TSBP1: variants seen among roughly 807,000 people sequenced by gnomAD.
The protein encoded by TSBP1 is testis expressed basic protein 1.
In TSBP1, 56 loss-of-function variants were observed where a neutral mutation model predicts 68.8. That is an observed-to-expected ratio of 0.81 (90% CI 0.66 to 1.02). The LOEUF is 1.02. TSBP1 is among the 50% of genes least tolerant of loss of function. The pLI is 0.00. For missense variants in TSBP1, 502 were observed against 641.2 expected, an observed-to-expected ratio of 0.78 and a Z score of 2.34; for synonymous variants, 171 against 208.7, an observed-to-expected ratio of 0.82 and a Z score of 1.56.
chr6:32,334,113 T>C (rs7775149), intron 14 of TSBP1: 5,987 of 158,006 alleles, frequency 0.038, 333 homozygotes, highest in African/African-American at 0.12. Flanking sequence ...AGTTTTTCTA[T>C]ATTTTCTTCC....
At chr6:32,332,836 C>A (rs1769207333) in intron 14 of TSBP1, among the ~76,000 whole-genome samples, 1 of 152,086 alleles carries the variant, frequency 6.6e-6, no homozygotes, top group Non-Finnish European at 1.5e-5. Context: ...TGATCTTGAA[C>A]TCCTGGTCTC....
At chr6:32,301,560 A>G (rs948632249) in intron 20 of TSBP1, among the ~76,000 whole-genome samples, 15 of 151,806 alleles carry the variant, frequency 9.9e-5, no homozygotes, top group African/African-American at 3.6e-4. Context: ...TGCAAAAAAA[A>G]AAAGAAAAAA....
At position 32,355,653 on chromosome 6, in the gene TSBP1, ATC is replaced by A; in HGVS notation, c.232_233del (p.Asp78LeufsTer14). The A allele has an allele frequency of 6.3e-7, 1 of 1,590,256 alleles. No homozygotes were observed. The highest frequency in any genetic ancestry group is 8.5e-7 in the Non-Finnish European group (1 of 1,170,810). On this transcript the variant is annotated frameshift_variant, in exon 7 of 23. Transcript: ENST00000612031. LOFTEE classifies it high-confidence loss of function. ...AAGAAGCAAGATAATACTTACTGTA[ATC>A]TCTTTTGGATCTCTCTGAAAACATA... is the stretch of plus-strand genomic sequence containing the variant.
chr6:32,298,120 T>C (rs980066804), intron 22 of TSBP1, among the ~76,000 whole-genome samples: 4 of 152,170 alleles, frequency 2.6e-5, no homozygotes, highest in African/African-American at 9.7e-5. Context: ...CTGAGTCAAG[T>C]TGACATACAA....
At chr6:32,334,268 A>C (rs1474729) in intron 14 of TSBP1, among the ~76,000 whole-genome samples, 50,869 of 151,462 alleles carry the variant, frequency 0.34, 9,534 homozygotes, top group Middle Eastern at 0.52. Context: ...TGTTCTTTTT[A>C]AATTTTCTCC....
chr6:32,359,877 TA>T (rs1201760932), intron 6 of TSBP1, among the ~76,000 whole-genome samples: 2 of 152,100 alleles, frequency 1.3e-5, no homozygotes, highest in African/African-American at 2.4e-5. Flanking sequence ...CTACTCAGAT[TA>T]TTTTTTTCTT....
At chr6:32,370,456 A>G (rs1275611980) in intron 1 of TSBP1, among the ~76,000 whole-genome samples, 1 of 144,578 alleles carries the variant, frequency 6.9e-6, no homozygotes, top group Non-Finnish European at 1.5e-5. Flanking sequence ...GCTATAAATA[A>G]GATTTATAAA....
chr6:32,325,634 C>T lies in TSBP1; in HGVS notation c.515-2020G>A, dbSNP rs553526621. 905 of 1,025,860 alleles carry T rather than the reference C, an allele frequency of 8.8e-4. 5 individuals carry two copies. The highest frequency in any genetic ancestry group is 7.1e-3 in the South Asian group (571 of 80,228). The allele number at this position is 1,025,860 out of a possible 1,614,324, so 63.5% of individuals were successfully genotyped here. On this transcript the variant is annotated intron_variant, in intron 16 of 22. Coordinates refer to ENST00000612031, the Ensembl canonical transcript of TSBP1. The surrounding 1 kb of genome is among the most constrained non-coding windows in gnomAD (Gnocchi z 4.4). ...TGAAGTGATTGAAAACATGACTGACCGAGGCAGTTGCAAGAAAAGGGGATT... is the reference window on the plus strand; with the variant it reads ...TGAAGTGATTGAAAACATGACTGACTGAGGCAGTTGCAAGAAAAGGGGATT...
chr6:32,302,671 T>A lies in TSBP1; in HGVS notation c.581-42A>T. ...GAAAATAGGTTAATGGCAGCATTTT[T>A]GGAACAGAAGTACAGTTCTTTCCTA... On this transcript the variant is annotated intron_variant, in intron 19 of 22. Coordinates refer to ENST00000612031, the Ensembl canonical transcript of TSBP1. The surrounding 1 kb of genome is among the most constrained non-coding windows in gnomAD (Gnocchi z 5.1). 1 of 1,490,990 alleles carries A rather than the reference T, an allele frequency of 6.7e-7. No individual in the cohort carries two copies. Among genetic ancestry groups the A allele is most frequent in the Non-Finnish European group, 9.1e-7 (1 of 1,101,850 alleles). 92.4% of individuals were successfully genotyped at this position (1,490,990 alleles called of 1,614,324 possible). A position where few individuals can be genotyped will look rare whatever the true frequency, so the allele number is the denominator to read the frequency against.
intron 6 of TSBP1, among the ~76,000 whole-genome samples, chr6:32,363,754 A>C (rs1773332830): frequency 6.6e-6 from 1 of 152,074 alleles, no homozygotes; most frequent in African/African-American, 2.4e-5. Context: ...CTTTTATATT[A>C]GCATTAAAAG....
intron 20 of TSBP1, among the ~76,000 whole-genome samples, chr6:32,301,968 C>A (rs5875353): frequency 0.74 from 97,784 of 131,476 alleles, 32,860 homozygotes; most frequent in East Asian, 0.82. Flanking sequence ...AAATCATCAT[C>A]ATAATAATAA....
chr6:32,323,690 T>A (rs561926904), intron 16 of TSBP1, 76 bp from the exon 18 acceptor site: 3 of 1,349,956 alleles, frequency 2.2e-6, no homozygotes, highest in Non-Finnish European at 3.2e-6. Context: ...GAGTTTCTTC[T>A]TGGTAGGTCA....
At position 32,353,454 on chromosome 6, in the gene TSBP1, A is replaced by G. The variant is rs189350851; in HGVS notation, c.259+1670T>C. Among the ~76,000 whole-genome samples the G allele has an allele frequency of 6.4e-4, 97 of 152,114 alleles. 2 individuals carry two copies. In the East Asian group the frequency reaches 0.018, roughly 29 times the overall value. The stretch of plus-strand genomic sequence containing the variant: ...GAAGGGTATATGAGAAAATTTGAAT[A>G]GTAGGCAACCATGTTAATGCATGGG... On this transcript the variant is annotated intron_variant, in intron 8 of 22. Coordinates refer to ENST00000612031, the Ensembl canonical transcript of TSBP1.
Position 32,316,280 on chromosome 6 carries a change from C to A in TSBP1, c.560-488G>T, listed in dbSNP as rs1766941961. ...TTAAAAAGATTCTCTGTAATATAGA[C>A]CATGTAGGGTAATAAGGAAGCAAGG... On this transcript the variant is annotated intron_variant, in intron 18 of 22. Transcript: ENST00000612031. The surrounding 1 kb of genome is among the most constrained non-coding windows in gnomAD (Gnocchi z 4.5). 1.7e-5 allele frequency: 13 copies of A among 775,976 alleles called. No individual in the cohort carries two copies. Among genetic ancestry groups the A allele is most frequent in the Non-Finnish European group, 2.7e-5 (13 of 474,354 alleles). 48.1% of individuals were successfully genotyped at this position (775,976 alleles called of 1,614,324 possible).
rs897959558 is a variant in TSBP1, at chr6:32,316,260, A to G, written c.560-468T>C. On this transcript the variant is annotated intron_variant, in intron 18 of 22. Coordinates refer to ENST00000612031, the Ensembl canonical transcript of TSBP1. This position sits in a 1 kb window ranked among gnomAD's most constrained non-coding sequence, Gnocchi z 4.5. ...GTCCCTCTTTTAATTAGTGTTTAAA[A>G]AGATTCTCTGTAATATAGACCATGT... The G allele has an allele frequency of 4.6e-6, 3 of 646,652 alleles. No individual in the cohort carries two copies. Among genetic ancestry groups the G allele is most frequent in the African/African-American group, 1.8e-5 (1 of 54,776 alleles). 40.1% of individuals were successfully genotyped at this position (646,652 alleles called of 1,614,324 possible).
chr6:32,297,310 A>T (rs1764817093), intron 22 of TSBP1, among the ~76,000 whole-genome samples: 3 of 152,222 alleles, frequency 2.0e-5, no homozygotes, highest in South Asian at 2.1e-4. Flanking sequence ...AAATTTTAAT[A>T]CAATCAAAAG....
At chr6:32,313,141 A>G (rs886893532) in intron 19 of TSBP1, among the ~76,000 whole-genome samples, 3 of 151,936 alleles carry the variant, frequency 2.0e-5, no homozygotes, top group Non-Finnish European at 4.4e-5. Flanking sequence ...TTGCACCTCC[A>G]TAGCAGGCCT....
Position 32,325,860 on chromosome 6 carries a change from C to G in TSBP1, c.515-2246G>C. ...GAGGTGGTTTCGGTGGGAATGACAA[C>G]TTTGATCATGGAGGAAACTTCAGTG... is the stretch of plus-strand genomic sequence containing the variant. On this transcript the variant is annotated intron_variant, in intron 16 of 22. Coordinates refer to ENST00000612031, the Ensembl canonical transcript of TSBP1. This position sits in a 1 kb window ranked among gnomAD's most constrained non-coding sequence, Gnocchi z 4.4. The G allele has an allele frequency of 6.9e-7, 1 of 1,439,200 alleles. No individual in the cohort carries two copies. Among genetic ancestry groups the G allele is most frequent in the South Asian group, 1.1e-5 (1 of 87,486 alleles). 89.2% of individuals were successfully genotyped at this position (1,439,200 alleles called of 1,614,324 possible).
chr6:32,300,690 A>C, exon 21 of TSBP1: 1 of 1,612,760 alleles, frequency 6.2e-7, no homozygotes, highest in East Asian at 2.2e-5. Context: ...TGATTTTTCC[A>C]GAACTGTCCA....
Sources: gnomAD v4.1 joint callset for allele counts (sites outside exome capture counted in the v4.1 genomes callset) on GRCh38, gnomAD v4.1.1 for gene constraint, Gnocchi (gnomAD v3.1) non-coding constraint, MANE v1.5 for transcripts, NCBI Gene and HGNC (gene_info 2026-07-23, HGNC 2026-07-21) for gene names.